Variants in FBXO11 observed in about 807,000 individuals in gnomAD.
The protein encoded by FBXO11 is F-box protein 11, also known as F-box only protein 11.
In FBXO11, 13 loss-of-function variants were observed where a neutral mutation model predicts 117.0. The ratio of observed to expected loss-of-function variants is 0.11; its 90% confidence interval spans 0.07 to 0.18. The LOEUF is 0.18. FBXO11 is among the 10% of genes least tolerant of loss of function. The pLI, the probability that FBXO11 is intolerant of heterozygous loss-of-function variation, is 1.00. For synonymous variants in FBXO11, 490 were observed against 380.5 expected (o/e 1.29, Z -3.35); for missense variants, 767 against 1,164.4 (o/e 0.66, Z 4.97).
At chr2:47,816,117 A>G (rs543192651) in intron 16 of FBXO11, among the ~76,000 whole-genome samples, 10 of 152,204 alleles carry the variant, frequency 6.6e-5, no homozygotes, top group African/African-American at 1.9e-4. Flanking sequence ...CAGTACTACA[A>G]TTTTGCACTT....
chr2:47,828,026 G>A (rs960087616), intron 11 of FBXO11, among the ~76,000 whole-genome samples: 3 of 151,972 alleles, frequency 2.0e-5, no homozygotes, highest in Admixed American at 1.3e-4. Flanking sequence ...GAATCTCCCT[G>A]TCACCCAAGC....
At position 47,905,747 on chromosome 2, in the gene FBXO11, C is replaced by T; in HGVS notation, c.-27G>A. Reference sequence around the variant, plus strand: ...TGCCGGGCTGAGGTGGCGGCGTTGGCGGAGGGACACACACACGCACACGCA... The same window carrying T: ...TGCCGGGCTGAGGTGGCGGCGTTGGTGGAGGGACACACACACGCACACGCA... On this transcript the variant is annotated 5_prime_UTR_variant, in exon 1 of 23. Transcript: ENST00000403359. 1.4e-6 allele frequency: 2 copies of T among 1,433,762 alleles called. No individual in the cohort carries two copies. Among genetic ancestry groups the T allele is most frequent in the Non-Finnish European group, 9.2e-7 (1 of 1,083,464 alleles). 88.8% of individuals were successfully genotyped at this position (1,433,762 alleles called of 1,614,324 possible).
chr2:47,822,370 G>A (rs912628236), intron 12 of FBXO11, 67 bp from the exon 13 acceptor site: 12 of 958,796 alleles, frequency 1.3e-5, no homozygotes, highest in Admixed American at 9.7e-5. Context: ...TTTATACAAC[G>A]GTAAGGCCCC....
intron 1 of FBXO11, among the ~76,000 whole-genome samples, chr2:47,864,318 T>G (rs1350200472): frequency 6.6e-6 from 1 of 152,260 alleles, no homozygotes; most frequent in South Asian, 2.1e-4. Flanking sequence ...CTGGGCGTGG[T>G]GGCTCACGCC....
intron 16 of FBXO11, among the ~76,000 whole-genome samples, chr2:47,815,372 T>C (rs577271680): frequency 1.3e-5 from 2 of 152,260 alleles, no homozygotes; most frequent in South Asian, 2.1e-4. Flanking sequence ...CTAGGTTTTA[T>C]GGCTGGGTTT....
chr2:47,815,952 G>A (rs551736344), intron 16 of FBXO11, among the ~76,000 whole-genome samples: 21 of 152,276 alleles, frequency 1.4e-4, no homozygotes, highest in South Asian at 1.0e-3. Context: ...GCCCACGCTG[G>A]CCTCATGGGA....
At chr2:47,898,333 C>G (rs992883894) in intron 1 of FBXO11, among the ~76,000 whole-genome samples, 11 of 152,122 alleles carry the variant, frequency 7.2e-5, no homozygotes, top group African/African-American at 2.7e-4. Context: ...GCTAACCAAA[C>G]ATATATAAAA....
At chr2:47,837,387 C>A (rs1277989525) in intron 4 of FBXO11, among the ~76,000 whole-genome samples, 1 of 152,208 alleles carries the variant, frequency 6.6e-6, no homozygotes, top group East Asian at 1.9e-4. Flanking sequence ...AATAGCTGGG[C>A]ATGGTGGGAG....
chr2:47,860,237 T>C (rs1674653306), intron 1 of FBXO11, among the ~76,000 whole-genome samples: 2 of 152,168 alleles, frequency 1.3e-5, no homozygotes, highest in Admixed American at 1.3e-4. Flanking sequence ...TACTCATTTT[T>C]ATCACTGTGC....
At chr2:47,889,828 T>G (rs1456483548) in intron 1 of FBXO11, among the ~76,000 whole-genome samples, 2 of 152,238 alleles carry the variant, frequency 1.3e-5, no homozygotes, top group African/African-American at 2.4e-5. Flanking sequence ...AGCCACCTGT[T>G]GTGATCAACA....
intron 1 of FBXO11, among the ~76,000 whole-genome samples, chr2:47,867,865 T>G (rs887413306): frequency 6.6e-6 from 1 of 152,150 alleles, no homozygotes; most frequent in Non-Finnish European, 1.5e-5. Context: ...TTTGAGGCTT[T>G]AAAAAAACCC....
chr2:47,873,744 T>C (rs532952951), intron 1 of FBXO11, among the ~76,000 whole-genome samples: 5 of 152,342 alleles, frequency 3.3e-5, no homozygotes, highest in Admixed American at 1.3e-4. Flanking sequence ...CTCTTACCCT[T>C]TTCTCTGTTC....
At chr2:47,893,300 G>C (rs1677402096) in intron 1 of FBXO11, among the ~76,000 whole-genome samples, 1 of 151,972 alleles carries the variant, frequency 6.6e-6, no homozygotes, top group Non-Finnish European at 1.5e-5. Context: ...TACGGCTAAG[G>C]CTACATGAAA....
At chr2:47,814,329 T>C (rs1053347367) in intron 16 of FBXO11, 5 of 152,754 alleles carry the variant, frequency 3.3e-5, no homozygotes, top group Non-Finnish European at 7.3e-5. Context: ...AAAAATACTT[T>C]ATCGCTAAAA....
At chr2:47,903,599 C>A (rs1187490599) in intron 1 of FBXO11, among the ~76,000 whole-genome samples, 2 of 152,274 alleles carry the variant, frequency 1.3e-5, no homozygotes, top group East Asian at 3.9e-4. Context: ...TACACACAAA[C>A]CTTGAAATGA....
intron 1 of FBXO11, among the ~76,000 whole-genome samples, chr2:47,862,619 G>A (rs1674863744): frequency 6.6e-6 from 1 of 152,102 alleles, no homozygotes; most frequent in South Asian, 2.1e-4. Flanking sequence ...AAATGTAAGT[G>A]CAAATCTCAA....
chr2:47,847,153 G>C (rs536547303), intron 1 of FBXO11, among the ~76,000 whole-genome samples: 2 of 152,194 alleles, frequency 1.3e-5, no homozygotes, highest in East Asian at 3.8e-4. Flanking sequence ...GCTGAGCCAG[G>C]AGAATTGCTT....
chr2:47,885,858 C>G (rs946637202), intron 1 of FBXO11, among the ~76,000 whole-genome samples: 8 of 152,198 alleles, frequency 5.3e-5, no homozygotes, highest in African/African-American at 1.9e-4. Context: ...CCTTTTCCCC[C>G]TCCTTTCCTC....
intron 11 of FBXO11, among the ~76,000 whole-genome samples, chr2:47,824,023 A>T (rs1453311679): frequency 1.3e-5 from 2 of 152,144 alleles, no homozygotes; most frequent in Admixed American, 1.3e-4. Context: ...GTTTTAGCAA[A>T]ACAAAGAACT....
Sources: gnomAD v4.1 joint callset for allele counts (sites outside exome capture counted in the v4.1 genomes callset) on GRCh38, gnomAD v4.1.1 for gene constraint, MANE v1.5 for transcripts, NCBI Gene and HGNC (gene_info 2026-07-23, HGNC 2026-07-21) for gene names.